Variants in TTR observed in about 807,000 individuals in gnomAD.
The protein encoded by TTR is transthyretin.
TTR carries 8 observed loss-of-function variants against 13.7 expected under a neutral mutation model. The observed-to-expected ratio is 0.58, with a 90% CI of 0.34 to 1.05. The LOEUF (loss-of-function observed/expected upper bound fraction) is 1.05. Among genes scored for constraint, TTR ranks in the 50% least tolerant of loss-of-function variants. The pLI is 0.02. For synonymous variants in TTR, 75 were observed against 71.7 expected, an observed-to-expected ratio of 1.05 and a Z score of -0.23; for missense variants, 135 against 185.5, an observed-to-expected ratio of 0.73 and a Z score of 1.58.
intron 3 of TTR, 186 bp from the exon 4 acceptor site, chr18:31,598,382 G>GTGCA: frequency 1.4e-6 from 1 of 713,144 alleles, no homozygotes. Context: ...TCTAAGGACT[G>GTGCA]TGCATGGTTC....
Position 31,592,254 on chromosome 18 carries a change from A to G in TTR, c.69+283A>G, listed in dbSNP as rs76038435. Among the ~76,000 whole-genome samples the G allele has an allele frequency of 4.8e-3, 737 of 152,300 alleles. 8 individuals are homozygous for G. Among genetic ancestry groups the G allele is most frequent in the African/African-American group, 0.017 (688 of 41,576 alleles). ...GATAGATGATAGAAATAAAGATATG[A>G]TATTAAGGAAGCTGTTAATACTGAA... On this transcript the variant is annotated intron_variant, in intron 1 of 3. Transcript: ENST00000237014.
chr18:31,594,243 G>T (rs1253845641), intron 2 of TTR, among the ~76,000 whole-genome samples: 1 of 152,206 alleles, frequency 6.6e-6, no homozygotes, highest in African/African-American at 2.4e-5. Flanking sequence ...GCAGTCAAAT[G>T]GGAAGCAATT....
intron 3 of TTR, 92 bp downstream of exon 3, chr18:31,595,347 A>G: frequency 6.4e-7 from 1 of 1,557,486 alleles, no homozygotes; most frequent in Non-Finnish European, 8.8e-7. Context: ...GTACCACAGA[A>G]ATGTCCTAAG....
At chr18:31,594,420 C>T (rs146917200) in intron 2 of TTR, among the ~76,000 whole-genome samples, 2 of 152,254 alleles carry the variant, frequency 1.3e-5, no homozygotes, top group African/African-American at 4.8e-5. Context: ...AATGATACTC[C>T]CTGGTGGTGT....
chr18:31,598,534 T>A, intron 3 of TTR, 34 bp from the exon 4 acceptor site: 1 of 1,612,100 alleles, frequency 6.2e-7, no homozygotes, highest in South Asian at 1.1e-5. Flanking sequence ...TTTCGGGCTC[T>A]GGTGGAAATG....
In TTR at chr18:31,591,933, C is replaced by T; in HGVS notation, c.31C>T (p.Leu11Phe). ...TTCTCATCGTCTGCTCCTCCTCTGC[C>T]TTGCTGGACTGGTATTTGTGTCTGA... MASHRLLLLC[L>F]AGLVFVSEAG... is the part of the protein sequence containing the mutation. Residue 11 changes from leucine to phenylalanine, a missense_variant, in exon 1 of 4, where the codon CTT becomes TTT. By Grantham distance (22) the Leu-to-Phe change is conservative (BLOSUM62 0). Transcript: ENST00000237014. 2 of 1,614,178 alleles carry T rather than the reference C, an allele frequency of 1.2e-6. No homozygotes were observed. Among genetic ancestry groups the T allele is most frequent in the African/African-American group, 1.3e-5 (1 of 75,038 alleles).
Position 31,592,914 on chromosome 18 carries a change from T to G in TTR, c.88T>G (p.Cys30Gly). Residue 30 changes from cysteine to glycine, a missense_variant, in exon 2 of 4, where the codon TGT (cysteine) becomes GGT (glycine). Cys to Gly is a radical substitution (Grantham distance 159). Transcript: ENST00000237014. ...CACCCAGGGCACCGGTGAATCCAAG[T>G]GTCCTCTGATGGTCAAAGTTCTAGA... ...AGPTGTGESKCPLMVKVLDAV... is the reference protein window; with the variant it reads ...AGPTGTGESKGPLMVKVLDAV... 2 of 1,614,078 alleles carry G rather than the reference T, an allele frequency of 1.2e-6. No individual in the cohort carries two copies. The highest frequency in any genetic ancestry group is 1.7e-6 in the Non-Finnish European group (2 of 1,179,942).
At position 31,593,038 on chromosome 18, in the gene TTR, A is replaced by G. The variant is rs2073494805; in HGVS notation, c.200+12A>G. The G allele has an allele frequency of 1.9e-6, 3 of 1,613,522 alleles. No homozygotes were observed. Among genetic ancestry groups the G allele is most frequent in the Non-Finnish European group, 2.5e-6 (3 of 1,179,694 alleles). On this transcript the variant is annotated intron_variant, in intron 2 of 3. Coordinates refer to ENST00000237014, the MANE Select transcript of TTR (RefSeq NM_000371.4). ...CCATTTGCCTCTGGGTAAGTTGCCA[A>G]AGAACCCTCCCACAGGACTTGGTTT... is the stretch of plus-strand genomic sequence containing the variant.
intron 3 of TTR, among the ~76,000 whole-genome samples, chr18:31,597,489 T>C (rs1339621104): frequency 2.6e-5 from 4 of 152,256 alleles, no homozygotes; most frequent in Non-Finnish European, 5.9e-5. Flanking sequence ...CCTTTCTTCC[T>C]AAGAGATTCT....
Position 31,595,187 on chromosome 18 carries a change from A to C in TTR, c.268A>C (p.Lys90Gln), listed in dbSNP as rs778412314. The C allele has an allele frequency of 6.2e-7, 1 of 1,614,174 alleles. No individual in the cohort carries two copies. ...TEEEFVEGIY[K>Q]VEIDTKSYWK... ...GGAGGAATTTGTAGAAGGGATATAC[A>C]AAGTGGAAATAGACACCAAATCTTA... Residue 90 changes from lysine to glutamine, a missense_variant, in exon 3 of 4, where the codon AAA (lysine) becomes CAA (glutamine). By Grantham distance (53) the Lys-to-Gln change is moderately conservative. Coordinates refer to ENST00000237014, the MANE Select transcript of TTR (RefSeq NM_000371.4).
chr18:31,592,942 C>T lies in TTR; in HGVS notation c.116C>T (p.Ala39Val), dbSNP rs11541795. The change falls in exon 2 of 4, where the codon GCT becomes GTT. Residue 39 changes from alanine (A) to valine (V), a missense_variant. Coordinates refer to ENST00000237014, the MANE Select transcript of TTR (RefSeq NM_000371.4). ...CCTCTGATGGTCAAAGTTCTAGATG[C>T]TGTCCGAGGCAGTCCTGCCATCAAT... ...KCPLMVKVLDAVRGSPAINVA... is the reference protein window; with the variant it reads ...KCPLMVKVLDVVRGSPAINVA... 6.2e-7 allele frequency: 1 copy of T among 1,614,124 alleles called. No individual in the cohort carries two copies.
chr18:31,595,045 G>C, intron 2 of TTR, 75 bp from the exon 3 acceptor site: 1 of 1,490,628 alleles, frequency 6.7e-7, no homozygotes, highest in Non-Finnish European at 9.3e-7. Flanking sequence ...TGTGTTAGTT[G>C]GTGGGGGTGT....
chr18:31,593,956 A>C (rs1340476307), intron 2 of TTR, among the ~76,000 whole-genome samples: 2 of 152,212 alleles, frequency 1.3e-5, no homozygotes, highest in Non-Finnish European at 2.9e-5. Flanking sequence ...ATGATTCTTC[A>C]ACCATTATTG....
chr18:31,593,349 A>G (rs1235816122), intron 2 of TTR: 1 of 342,700 alleles, frequency 2.9e-6, no homozygotes, highest in Admixed American at 4.0e-5. Context: ...CTATGCCCAG[A>G]AAAAATGCAC....
chr18:31,592,886 C>T lies in TTR; in HGVS notation c.70-10C>T, dbSNP rs1433445415. 2 of 1,613,616 alleles carry T rather than the reference C, an allele frequency of 1.2e-6. No individual in the cohort carries two copies. The highest frequency in any genetic ancestry group is 1.3e-5 in the African/African-American group (1 of 74,926). On this transcript the variant is annotated splice_polypyrimidine_tract_variant and intron_variant, in intron 1 of 3. Transcript: ENST00000237014. ...TTTGTTAACTTCTCACGTGTCTTCT[C>T]TACACCCAGGGCACCGGTGAATCCA...
intron 3 of TTR, 86 bp from the exon 4 acceptor site, chr18:31,598,482 C>G (rs769699000): frequency 7.7e-7 from 1 of 1,303,666 alleles, no homozygotes; most frequent in Non-Finnish European, 1.1e-6. Context: ...TAAGTTGGCA[C>G]TGGACTTCCG....
In TTR at chr18:31,595,222, A is replaced by G; in HGVS notation, c.303A>G (p.Ala101=). ...VEIDTKSYWK[A]LGISPFHEHA... ...TAGACACCAAATCTTACTGGAAGGC[A>G]CTTGGCATCTCCCCATTCCATGAGC... Residue 101 remains alanine, a synonymous_variant, in exon 3 of 4, where the codon GCA becomes GCG. Coordinates refer to ENST00000237014, the MANE Select transcript of TTR (RefSeq NM_000371.4). 1 of 1,614,188 alleles carries G rather than the reference A, an allele frequency of 6.2e-7. No homozygotes were observed. The highest frequency in any genetic ancestry group is 8.5e-7 in the Non-Finnish European group (1 of 1,180,024).
chr18:31,592,561 T>C (rs780418332), intron 1 of TTR, among the ~76,000 whole-genome samples: 1 of 152,218 alleles, frequency 6.6e-6, no homozygotes, highest in South Asian at 2.1e-4. Context: ...TTTGGCCCTA[T>C]GTATGGTACA....
intron 3 of TTR, 56 bp from the exon 4 acceptor site, chr18:31,598,512 A>T (rs1331575901): frequency 6.4e-7 from 1 of 1,560,054 alleles, no homozygotes; most frequent in Non-Finnish European, 8.8e-7. Flanking sequence ...CATGTGTGTC[A>T]TCTGTCACGT....
Sources: allele counts gnomAD v4.1 joint callset (sites outside exome capture counted in the v4.1 genomes callset), GRCh38; gene constraint gnomAD v4.1.1; transcripts MANE v1.5; gene names NCBI Gene and HGNC (gene_info 2026-07-23, HGNC 2026-07-21).